HCN1: variants seen among roughly 807,000 people sequenced by gnomAD.
The protein encoded by HCN1 is potassium/sodium hyperpolarization-activated cyclic nucleotide-gated channel 1.
In HCN1, 13 loss-of-function variants were observed where a neutral mutation model predicts 78.9. That is an observed-to-expected ratio of 0.16 (90% confidence interval 0.11 to 0.26). The LOEUF (loss-of-function observed/expected upper bound fraction) is 0.26. Among genes scored for constraint, HCN1 ranks in the 10% least tolerant of loss-of-function variants. The pLI is 1.00. For synonymous variants in HCN1, 552 were observed against 455.5 expected, an observed-to-expected ratio of 1.21 and a Z score of -2.70; for missense variants, 810 against 1,154.3, an observed-to-expected ratio of 0.70 and a Z score of 4.32.
intron 5 of HCN1, among the ~76,000 whole-genome samples, chr5:45,346,175 T>A (rs958504355): frequency 6.6e-6 from 1 of 152,116 alleles, no homozygotes; most frequent in Non-Finnish European, 1.5e-5. Context: ...TTCAATTACC[T>A]CCCACGGGGT....
intron 3 of HCN1, among the ~76,000 whole-genome samples, chr5:45,447,353 C>T (rs1180984992): frequency 6.6e-6 from 1 of 152,188 alleles, no homozygotes; most frequent in East Asian, 1.9e-4. Flanking sequence ...AGTTATCCTC[C>T]TACTTAAGCC....
intron 2 of HCN1, among the ~76,000 whole-genome samples, chr5:45,470,832 C>T (rs1340626697): frequency 3.3e-5 from 5 of 151,944 alleles, no homozygotes; most frequent in African/African-American, 7.2e-5. Context: ...CACATGAACC[C>T]TTAACTTTTC....
intron 2 of HCN1, among the ~76,000 whole-genome samples, chr5:45,614,848 TTA>T (rs941773809): frequency 6.6e-6 from 1 of 152,004 alleles, no homozygotes; most frequent in African/African-American, 2.4e-5. Flanking sequence ...ACACTCCAGA[TTA>T]TGTCACCCCA....
At chr5:45,425,057 T>G (rs2112071234) in intron 3 of HCN1, among the ~76,000 whole-genome samples, 1 of 152,338 alleles carries the variant, frequency 6.6e-6, no homozygotes, top group East Asian at 1.9e-4. Flanking sequence ...TTATTACAAT[T>G]ACCTAGAATA....
rs1417499521 is a variant in HCN1 at position 45,645,206 on chromosome 5, T to C, written c.828A>G (p.Arg276=). The change falls in exon 2 of 8, where the codon AGA becomes AGG. Residue 276 remains arginine (R), a synonymous_variant. Coordinates refer to ENST00000303230, the MANE Select transcript of HCN1 (RefSeq NM_021072.4). ...LRLLRLSRLI[R]YIHQWEEIFH... Reference sequence around the variant, plus strand: ...TTACCTCTTCCCATTGATGTATGTATCTAATTAACCTTGAAAGTCGTAATA... The same window carrying C: ...TTACCTCTTCCCATTGATGTATGTACCTAATTAACCTTGAAAGTCGTAATA... The C allele has an allele frequency of 1.2e-6, 2 of 1,612,672 alleles. No homozygotes were observed. Among genetic ancestry groups the C allele is most frequent in the Non-Finnish European group, 1.7e-6 (2 of 1,179,214 alleles).
chr5:45,616,330 T>C (rs968386107), intron 2 of HCN1, among the ~76,000 whole-genome samples: 1 of 151,888 alleles, frequency 6.6e-6, no homozygotes, highest in Non-Finnish European at 1.5e-5. Flanking sequence ...GATGCTCAAT[T>C]TGAAGTTTGA....
At chr5:45,539,429 G>A (rs895903321) in intron 2 of HCN1, among the ~76,000 whole-genome samples, 47 of 151,322 alleles carry the variant, frequency 3.1e-4, no homozygotes, top group African/African-American at 1.0e-3. Flanking sequence ...TTGGGAGGCC[G>A]AGGTGGGCGG....
At chr5:45,506,769 C>T (rs1742310581) in intron 2 of HCN1, among the ~76,000 whole-genome samples, 1 of 152,046 alleles carries the variant, frequency 6.6e-6, no homozygotes, top group Non-Finnish European at 1.5e-5. Context: ...ATTACTAAAT[C>T]ATTTGTTATT....
At chr5:45,377,260 A>C (rs555798223) in intron 4 of HCN1, among the ~76,000 whole-genome samples, 1 of 152,048 alleles carries the variant, frequency 6.6e-6, no homozygotes, top group Non-Finnish European at 1.5e-5. Flanking sequence ...AATTCAATGC[A>C]GATGTAAAAA....
At chr5:45,451,421 G>C (rs1314729946) in intron 3 of HCN1, among the ~76,000 whole-genome samples, 1 of 151,958 alleles carries the variant, frequency 6.6e-6, no homozygotes, top group African/African-American at 2.4e-5. Flanking sequence ...CTACATTTTG[G>C]TTTGATTTGC....
Position 45,261,837 on chromosome 5 carries a change from C to T in HCN1, c.*84G>A, listed in dbSNP as rs1744740222. On this transcript the variant is annotated 3_prime_UTR_variant, in exon 8 of 8. Transcript: ENST00000303230. ...TCTCTTCATAGTAGGCTAGAGGGAT[C>T]TATCAGGAGATAGAATAAAATAAGA... 8.4e-6 allele frequency: 13 copies of T among 1,551,328 alleles called. No individual in the cohort carries two copies. The highest frequency in any genetic ancestry group is 1.2e-5 in the Non-Finnish European group (13 of 1,128,816).
intron 2 of HCN1, among the ~76,000 whole-genome samples, chr5:45,499,169 C>G (rs1199959624): frequency 6.6e-6 from 1 of 152,122 alleles, no homozygotes. Context: ...TGGTGGGCAC[C>G]CCTCCCCGAG....
intron 2 of HCN1, among the ~76,000 whole-genome samples, chr5:45,504,433 C>T (rs528987209): frequency 6.6e-6 from 1 of 152,274 alleles, no homozygotes; most frequent in African/African-American, 2.4e-5. Flanking sequence ...ATGAACTCAT[C>T]CTTTTTTTTG....
intron 3 of HCN1, among the ~76,000 whole-genome samples, chr5:45,437,447 C>T (rs576750187): frequency 7.9e-5 from 12 of 152,130 alleles, no homozygotes; most frequent in African/African-American, 2.2e-4. Context: ...GCCAAATAAC[C>T]GCTAATTATA....
Position 45,554,703 on chromosome 5 carries a change from G to A in HCN1, c.849+90482C>T, listed in dbSNP as rs950224775. 1.3e-4 allele frequency among the ~76,000 whole-genome samples: 19 copies of A among 151,696 alleles called. 1 individual carries two copies. ...GAAAATCAACAAAACCAGTCATATC[G>A]GGCAAGGAGTTATTTAATTGCCCAT... On this transcript the variant is annotated intron_variant, in intron 2 of 7. Coordinates refer to ENST00000303230, the MANE Select transcript of HCN1 (RefSeq NM_021072.4).
chr5:45,366,224 T>A (rs1018199524), intron 4 of HCN1, among the ~76,000 whole-genome samples: 2 of 151,358 alleles, frequency 1.3e-5, no homozygotes, highest in Admixed American at 6.6e-5. Context: ...GTATGTTATG[T>A]GTGTGTGTGG....
At chr5:45,613,344 T>G (rs1744880770) in intron 2 of HCN1, among the ~76,000 whole-genome samples, 1 of 152,094 alleles carries the variant, frequency 6.6e-6, no homozygotes, top group Admixed American at 6.6e-5. Context: ...TCATCATTTT[T>G]TATGGCTGCA....
chr5:45,681,430 A>T (rs1561243247), intron 1 of HCN1, among the ~76,000 whole-genome samples: 1 of 151,996 alleles, frequency 6.6e-6, no homozygotes, highest in Admixed American at 6.6e-5. Flanking sequence ...AATCATGTCA[A>T]CTTCAATTTC....
intron 2 of HCN1, among the ~76,000 whole-genome samples, chr5:45,577,136 C>A (rs1005461267): frequency 6.6e-6 from 1 of 152,030 alleles, no homozygotes. Flanking sequence ...ATATTATTAA[C>A]CTGCTAGTAC....
Sources: gnomAD v4.1 joint callset for allele counts (sites outside exome capture counted in the v4.1 genomes callset) on GRCh38, gnomAD v4.1.1 for gene constraint, MANE v1.5 for transcripts, NCBI Gene and HGNC (gene_info 2026-07-23, HGNC 2026-07-21) for gene names.